SHANK2: variants seen among roughly 807,000 people sequenced by gnomAD.
SHANK2 encodes SH3 and multiple ankyrin repeat domains 2, also known as SH3 and multiple ankyrin repeat domains protein 2.
Under a neutral mutation model 133.7 loss-of-function variants are expected in SHANK2, and 43 were observed. That is an observed-to-expected ratio of 0.32 (90% CI 0.25 to 0.41). The LOEUF (loss-of-function observed/expected upper bound fraction) is 0.41, where lower values mean the gene tolerates loss of function less well. Ranked by LOEUF, SHANK2 falls within the 10% of genes least tolerant of loss-of-function variation. SHANK2 has a pLI of 1.00. For missense variants in SHANK2, 1,994 were observed against 2,235.8 expected, an observed-to-expected ratio of 0.89 and a Z score of 2.18; for synonymous variants, 1,017 against 952.8, an observed-to-expected ratio of 1.07 and a Z score of -1.24.
At position 70,473,575 on chromosome 11, in the gene SHANK2, A is replaced by C; in HGVS notation, c.4980-136T>G. ...CTAGTGGCAGATCCACTGGCAGTGA[A>C]CGAATGATTTGCCATGCCAGGGTGG... On this transcript the variant is annotated intron_variant, in intron 25 of 25. Transcript: ENST00000601538. This position sits in a 1 kb window ranked among gnomAD's most constrained non-coding sequence, Gnocchi z 5.9. 1 of 811,680 alleles carries C rather than the reference A, an allele frequency of 1.2e-6. No individual in the cohort carries two copies. The highest frequency in any genetic ancestry group is 2.0e-6 in the Non-Finnish European group (1 of 495,042). 50.3% of individuals were successfully genotyped at this position (811,680 alleles called of 1,614,324 possible).
intron 17 of SHANK2, among the ~76,000 whole-genome samples, chr11:70,590,442 T>C (rs1465245734): frequency 6.6e-6 from 1 of 152,174 alleles, no homozygotes; most frequent in Non-Finnish European, 1.5e-5. Flanking sequence ...TAAAATGCTA[T>C]CAAACAGCAT....
rs78001750 is a variant in SHANK2 at position 70,784,654 on chromosome 11, G to T, written c.1777+13789C>A. Among the ~76,000 whole-genome samples the T allele has an allele frequency of 2.8e-3, 430 of 152,234 alleles. 3 individuals are homozygous for T. Among genetic ancestry groups the T allele is most frequent in the African/African-American group, 0.01 (420 of 41,512 alleles). Reference sequence around the variant, plus strand: ...CGCATTTGCCATTGACCAGCGAGGTGATGTCCCCAGGTGTTACTGTCCCCC... The same window carrying T: ...CGCATTTGCCATTGACCAGCGAGGTTATGTCCCCAGGTGTTACTGTCCCCC... On this transcript the variant is annotated intron_variant, in intron 14 of 25. Coordinates refer to ENST00000601538, the MANE Select transcript of SHANK2 (RefSeq NM_012309.5).
chr11:70,545,391 G>A (rs2059678313), intron 17 of SHANK2, among the ~76,000 whole-genome samples: 1 of 152,200 alleles, frequency 6.6e-6, no homozygotes. Context: ...CTCCCAGGGA[G>A]GGGCTGGCCA....
At chr11:71,075,438 A>G (rs1951206348) in intron 8 of SHANK2, among the ~76,000 whole-genome samples, 163 bp from the exon 9 acceptor site, 1 of 152,132 alleles carries the variant, frequency 6.6e-6, no homozygotes, top group Non-Finnish European at 1.5e-5. Context: ...AAGCGCTCTA[A>G]AGACATCAGC....
intron 12 of SHANK2, 88 bp downstream of exon 12, chr11:70,820,276 G>A (rs889900480): frequency 1.4e-5 from 8 of 582,374 alleles, no homozygotes; most frequent in South Asian, 1.2e-4. Flanking sequence ...TGGGCTTCCT[G>A]CTCAACTTCT....
At chr11:71,109,473 C>T (rs1268632114) in intron 6 of SHANK2, among the ~76,000 whole-genome samples, 6 of 152,234 alleles carry the variant, frequency 3.9e-5, no homozygotes, top group Non-Finnish European at 8.8e-5. Context: ...TCTTTCCCGA[C>T]CGATGCCCAG....
At chr11:70,856,153 G>T (rs1949168474) in intron 11 of SHANK2, among the ~76,000 whole-genome samples, 1 of 151,922 alleles carries the variant, frequency 6.6e-6, no homozygotes, top group Non-Finnish European at 1.5e-5. Flanking sequence ...TGGATGGATG[G>T]ATGAATGGAT....
chr11:70,590,859 G>A (rs797024064), intron 17 of SHANK2, among the ~76,000 whole-genome samples: 7 of 152,268 alleles, frequency 4.6e-5, no homozygotes, highest in African/African-American at 1.4e-4. Context: ...TCCCCAGGTC[G>A]GCCTGTGCAG....
At chr11:71,231,290 C>G (rs1317827585) in intron 1 of SHANK2, among the ~76,000 whole-genome samples, 1 of 152,172 alleles carries the variant, frequency 6.6e-6, no homozygotes, top group Non-Finnish European at 1.5e-5. Context: ...AGAGGATATA[C>G]AGATGGCAAT....
chr11:70,858,884 A>G (rs182216095), intron 11 of SHANK2, among the ~76,000 whole-genome samples: 93 of 152,330 alleles, frequency 6.1e-4, no homozygotes, highest in African/African-American at 2.1e-3. Flanking sequence ...GTTTTCAGGA[A>G]TGTGCTGTCC....
At chr11:71,248,913 G>A (rs1555125419) in intron 1 of SHANK2, among the ~76,000 whole-genome samples, 1 of 152,134 alleles carries the variant, frequency 6.6e-6, no homozygotes, top group African/African-American at 2.4e-5. Flanking sequence ...GTCCAGTCAC[G>A]CCTCTTCCTC....
At chr11:70,947,444 C>T (rs1175475060) in intron 10 of SHANK2, among the ~76,000 whole-genome samples, 1 of 150,328 alleles carries the variant, frequency 6.7e-6, no homozygotes, top group Non-Finnish European at 1.5e-5. Flanking sequence ...CCTCCACTTC[C>T]AGGGTTACAG....
rs1555034283 is a variant in SHANK2, at chr11:70,739,525, A to G, written c.1778-40762T>C. ...TGTGCCTTGTCTGGGGAACACCTGG[A>G]TCATGACCTGTGGCTGCTGGGCTCC... is the stretch of plus-strand genomic sequence containing the variant. On this transcript the variant is annotated intron_variant, in intron 14 of 25. Transcript: ENST00000601538. The surrounding 1 kb of genome is among the most constrained non-coding windows in gnomAD (Gnocchi z 4.3). Among the ~76,000 whole-genome samples, 1 of 152,078 alleles carries G rather than the reference A, an allele frequency of 6.6e-6. No homozygotes were observed.
At chr11:71,209,650 C>T in intron 2 of SHANK2, among the ~76,000 whole-genome samples, 1 of 152,212 alleles carries the variant, frequency 6.6e-6, no homozygotes, top group East Asian at 1.9e-4. Context: ...GAACACACAG[C>T]AGACAGGAAC....
At chr11:70,583,794 A>G (rs2060214004) in intron 17 of SHANK2, among the ~76,000 whole-genome samples, 1 of 152,054 alleles carries the variant, frequency 6.6e-6, no homozygotes, top group African/African-American at 2.4e-5. Flanking sequence ...CCGCAACCCA[A>G]CAAGATCTCA....
At chr11:70,938,717 T>TGAG (rs1161489598) in intron 10 of SHANK2, among the ~76,000 whole-genome samples, 7 of 151,794 alleles carry the variant, frequency 4.6e-5, no homozygotes, top group Middle Eastern at 3.4e-3. Flanking sequence ...GCCCAGGAGC[T>TGAG]GAGGAGGAGG....
At chr11:70,719,636 A>G (rs1387777731) in intron 14 of SHANK2, among the ~76,000 whole-genome samples, 1 of 151,834 alleles carries the variant, frequency 6.6e-6, no homozygotes, top group Non-Finnish European at 1.5e-5. Context: ...AAATAGCCCT[A>G]CCTGGCACGC....
At chr11:71,146,580 C>T (rs1360314945) in intron 3 of SHANK2, among the ~76,000 whole-genome samples, 1 of 152,174 alleles carries the variant, frequency 6.6e-6, no homozygotes, top group Non-Finnish European at 1.5e-5. Flanking sequence ...ACAGGAATGA[C>T]ATTAGGCCCA....
At position 70,804,150 on chromosome 11, in the gene SHANK2, C is replaced by T. The variant is rs1948112299; in HGVS notation, c.1663+2852G>A. Among the ~76,000 whole-genome samples the T allele has an allele frequency of 6.6e-6, 1 of 152,200 alleles. No homozygotes were observed. The highest frequency in any genetic ancestry group is 1.5e-5 in the Non-Finnish European group (1 of 68,034). On this transcript the variant is annotated intron_variant, in intron 13 of 25. Transcript: ENST00000601538. This position sits in a 1 kb window ranked among gnomAD's most constrained non-coding sequence, Gnocchi z 4.1. ...GAAACCCTCCCAGACCTGCCCCTGC[C>T]AGCCAGGCAGCTGGGTTTCCTGCCC... is the stretch of plus-strand genomic sequence containing the variant.
Sources: gnomAD v4.1 joint callset for allele counts (sites outside exome capture counted in the v4.1 genomes callset) on GRCh38, gnomAD v4.1.1 for gene constraint, Gnocchi (gnomAD v3.1) non-coding constraint, MANE v1.5 for transcripts, NCBI Gene and HGNC (gene_info 2026-07-23, HGNC 2026-07-21) for gene names.